Variants in THSD7A observed in about 807,000 individuals in gnomAD.
The protein encoded by THSD7A is thrombospondin type 1 domain containing 7A.
A neutral mutation model predicts 231.3 loss-of-function variants in THSD7A; 96 were observed. That is an observed-to-expected ratio of 0.41 (90% CI 0.35 to 0.49). THSD7A has a LOEUF of 0.49. Ranked by LOEUF, THSD7A falls within the 20% of genes least tolerant of loss-of-function variation. THSD7A has a pLI of 0.05. For synonymous variants in THSD7A, 940 were observed against 743.3 expected (o/e 1.26, Z -4.30); for missense variants, 2,290 against 2,070.2 (o/e 1.11, Z -2.06).
At chr7:11,657,792 A>C (rs1782763896) in intron 1 of THSD7A, among the ~76,000 whole-genome samples, 1 of 151,848 alleles carries the variant, frequency 6.6e-6, no homozygotes, top group African/African-American at 2.4e-5. Context: ...TTTTTAAAGC[A>C]TATTTAAGAT....
intron 2 of THSD7A, among the ~76,000 whole-genome samples, chr7:11,597,464 C>T (rs76498913): frequency 0.07 from 10,649 of 152,162 alleles, 571 homozygotes; most frequent in East Asian, 0.22. Context: ...GCTGCTCTGC[C>T]ACTTAGGCCA....
intron 23 of THSD7A, among the ~76,000 whole-genome samples, chr7:11,397,656 A>G (rs2115347399): frequency 6.6e-6 from 1 of 152,358 alleles, no homozygotes; most frequent in East Asian, 1.9e-4. Flanking sequence ...CAATCTATCC[A>G]TCTGACAAGA....
chr7:11,475,553 G>GTA (rs535032182), intron 7 of THSD7A, among the ~76,000 whole-genome samples: 12 of 148,670 alleles, frequency 8.1e-5, no homozygotes, highest in Admixed American at 6.8e-5. Context: ...AGGGTTATAA[G>GTA]TATATATATA....
intron 2 of THSD7A, among the ~76,000 whole-genome samples, chr7:11,601,699 C>T (rs1052787815): frequency 2.0e-5 from 3 of 152,110 alleles, no homozygotes; most frequent in African/African-American, 7.2e-5. Context: ...GTTCTGTGTC[C>T]TTCTAAGCAG....
chr7:11,786,546 A>T (rs1217804826), intron 1 of THSD7A, among the ~76,000 whole-genome samples: 1 of 151,614 alleles, frequency 6.6e-6, no homozygotes, highest in African/African-American at 2.4e-5. Flanking sequence ...TGATATACAG[A>T]AAAGATATTA....
chr7:11,378,577 T>G (rs1782374444), intron 26 of THSD7A: 1 of 157,430 alleles, frequency 6.4e-6, no homozygotes, highest in African/African-American at 2.4e-5. Context: ...TATTTGAGTA[T>G]GCTGACTTTT....
chr7:11,727,978 G>T (rs993345218), intron 1 of THSD7A, among the ~76,000 whole-genome samples: 1 of 151,888 alleles, frequency 6.6e-6, no homozygotes, highest in Admixed American at 6.6e-5. Context: ...CTGAAAGCAA[G>T]CTTCCTAAGG....
chr7:11,435,239 G>T (rs1193445027), intron 13 of THSD7A, among the ~76,000 whole-genome samples: 1 of 152,038 alleles, frequency 6.6e-6, no homozygotes, highest in Non-Finnish European at 1.5e-5. Flanking sequence ...AACTCTAAAG[G>T]CTTCTCTTGT....
chr7:11,532,760 G>A (rs750699279), intron 6 of THSD7A, among the ~76,000 whole-genome samples: 8 of 152,164 alleles, frequency 5.3e-5, no homozygotes, highest in Non-Finnish European at 8.8e-5. Flanking sequence ...TTCTGAGAAT[G>A]ATATGCTATT....
intron 1 of THSD7A, among the ~76,000 whole-genome samples, chr7:11,738,479 C>T (rs1007760046): frequency 6.6e-6 from 1 of 152,010 alleles, no homozygotes; most frequent in East Asian, 1.9e-4. Flanking sequence ...CAATACTTTA[C>T]TCTTCTTTTG....
intron 1 of THSD7A, among the ~76,000 whole-genome samples, chr7:11,766,004 G>C (rs912668481): frequency 6.6e-6 from 1 of 152,068 alleles, no homozygotes; most frequent in Non-Finnish European, 1.5e-5. Context: ...TCACCTTTGA[G>C]TGTACACAGT....
At chr7:11,745,960 A>C (rs1782285627) in intron 1 of THSD7A, among the ~76,000 whole-genome samples, 1 of 152,150 alleles carries the variant, frequency 6.6e-6, no homozygotes, top group Admixed American at 6.6e-5. Context: ...ACTTTAAAGT[A>C]GTTTTTTTCA....
At chr7:11,606,928 C>A (rs1780750813) in intron 2 of THSD7A, among the ~76,000 whole-genome samples, 1 of 151,962 alleles carries the variant, frequency 6.6e-6, no homozygotes, top group African/African-American at 2.4e-5. Flanking sequence ...AAACCACATG[C>A]AAACTGTTAC....
chr7:11,648,000 A>G (rs1057395175), intron 1 of THSD7A, among the ~76,000 whole-genome samples: 3 of 152,110 alleles, frequency 2.0e-5, no homozygotes, highest in African/African-American at 7.2e-5. Flanking sequence ...CCTGATGGGC[A>G]TTAACACAGT....
At position 11,733,404 on chromosome 7, in the gene THSD7A, ATATC is replaced by A. The variant is rs1417879478; in HGVS notation, c.191-96447_191-96444del. On this transcript the variant is annotated intron_variant, in intron 1 of 27. Transcript: ENST00000423059. ...ACATTTAATGTTAAAAATCCAGAAA[ATATC>A]TATGCATAAGGTGTGTGAAAAAAGA... Among the ~76,000 whole-genome samples the A allele has an allele frequency of 4.6e-5, 7 of 152,026 alleles. No individual in the cohort carries two copies. In the East Asian group the frequency reaches 1.4e-3, roughly 30 times the overall value.
chr7:11,409,839 T>C (rs1169236960), intron 19 of THSD7A, among the ~76,000 whole-genome samples: 1 of 151,914 alleles, frequency 6.6e-6, no homozygotes, highest in East Asian at 1.9e-4. Context: ...GCCTCCTGGG[T>C]TCAAGCGATT....
chr7:11,725,370 C>T (rs957373384), intron 1 of THSD7A, among the ~76,000 whole-genome samples: 1 of 151,888 alleles, frequency 6.6e-6, no homozygotes, highest in African/African-American at 2.4e-5. Flanking sequence ...ATGGTGAAGA[C>T]CCGTACCACA....
intron 1 of THSD7A, among the ~76,000 whole-genome samples, chr7:11,651,099 T>C (rs961181013): frequency 6.6e-6 from 1 of 152,058 alleles, no homozygotes; most frequent in African/African-American, 2.4e-5. Context: ...TACAATGGGA[T>C]ATTATTTAGC....
At chr7:11,797,584 T>A (rs371828064) in intron 1 of THSD7A, among the ~76,000 whole-genome samples, 11 of 152,098 alleles carry the variant, frequency 7.2e-5, no homozygotes, top group African/African-American at 2.7e-4. Flanking sequence ...GTCTGACTAA[T>A]TTTTTTAATA....
Sources: allele counts gnomAD v4.1 joint callset (sites outside exome capture counted in the v4.1 genomes callset), GRCh38; gene constraint gnomAD v4.1.1; transcripts MANE v1.5; gene names NCBI Gene and HGNC (gene_info 2026-07-23, HGNC 2026-07-21).